POLR2F: variants seen among roughly 807,000 people sequenced by gnomAD.
The protein encoded by POLR2F is DNA-directed RNA polymerases I, II, and III subunit RPABC2.
POLR2F carries 12 observed loss-of-function variants against 22.7 expected under a neutral mutation model. That is an observed-to-expected ratio of 0.53 (90% CI 0.34 to 0.86). The LOEUF (loss-of-function observed/expected upper bound fraction) is 0.86, where lower values mean the gene tolerates loss of function less well. POLR2F is among the 40% of genes least tolerant of loss of function. The pLI is 0.02. For synonymous variants in POLR2F, 57 were observed against 66.0 expected (o/e 0.86, Z 0.66); for missense variants, 126 against 171.5 (o/e 0.73, Z 1.48).
intron 5 of POLR2F, chr22:38,040,662 A>G: frequency 4.3e-6 from 1 of 233,334 alleles, no homozygotes; most frequent in East Asian, 1.0e-4. Flanking sequence ...GATGTTCAGT[A>G]AATGCTTTGA....
At chr22:37,987,474 C>T (rs1038800613) in intron 1 of POLR2F, 13 of 313,916 alleles carry the variant, frequency 4.1e-5, no homozygotes, top group Non-Finnish European at 4.8e-5. Context: ...TGGAAGGCTC[C>T]GCCTGTGTTC....
chr22:38,003,338 CGCCTCA>C (rs1453064676), intron 1 of POLR2F, among the ~76,000 whole-genome samples: 2 of 151,804 alleles, frequency 1.3e-5, no homozygotes, highest in African/African-American at 4.8e-5. Context: ...GCGATTCTCC[CGCCTCA>C]GCCTCCTGAG....
rs556229608 is a variant in POLR2F at position 38,017,326 on chromosome 22, G to T, written c.121-8543G>T. ...ACACTAGGACAGAAAACCCTGAACTGCCCCCAGAGTGATCATGCTCAATGT... is the reference window on the plus strand; with the variant it reads ...ACACTAGGACAGAAAACCCTGAACTTCCCCCAGAGTGATCATGCTCAATGT... On this transcript the variant is annotated intron_variant, in intron 1 of 2. Transcript: ENST00000333418. This position sits in a 1 kb window ranked among gnomAD's most constrained non-coding sequence, Gnocchi z 4.1. Among the ~76,000 whole-genome samples the T allele has an allele frequency of 3.9e-5, 6 of 152,244 alleles. No homozygotes were observed. Among genetic ancestry groups the T allele is most frequent in the African/African-American group, 1.4e-4 (6 of 41,548 alleles).
downstream of POLR2F, among the ~76,000 whole-genome samples, chr22:38,030,276 T>C (rs1251363182): frequency 6.6e-6 from 1 of 151,198 alleles, no homozygotes; most frequent in Non-Finnish European, 1.5e-5. Flanking sequence ...GAGCCAGGAG[T>C]CGGGCCCTCT....
chr22:38,026,148 G>T lies in POLR2F; in HGVS notation c.399+1G>T, dbSNP rs137938318. The T allele has an allele frequency of 1.5e-3, 819 of 533,464 alleles. 9 individuals carry two copies. The highest frequency in any genetic ancestry group is 0.014 in the African/African-American group (755 of 52,098). 33.0% of individuals were successfully genotyped at this position (533,464 alleles called of 1,614,324 possible). A position where few individuals can be genotyped will look rare whatever the true frequency, so the allele number is the denominator to read the frequency against. On this transcript the variant is annotated splice_donor_variant, in intron 2 of 2. Transcript: ENST00000333418. LOFTEE classifies it high-confidence loss of function. ...CAGAAGGCTGGCCTTCAGATGCCTG[G>T]TAGGCGGGCACCAGGTTGGGGAGGA...
intron 3 of POLR2F, among the ~76,000 whole-genome samples, chr22:37,965,600 G>A (rs1931824159): frequency 6.6e-6 from 1 of 152,174 alleles, no homozygotes; most frequent in African/African-American, 2.4e-5. Context: ...TATATTTTGG[G>A]AAAGTTTAAA....
rs559462791 is a variant in POLR2F at position 37,967,048 on chromosome 22, C to T, written c.222-51C>T. 1.0e-5 allele frequency: 14 copies of T among 1,376,920 alleles called. No individual in the cohort carries two copies. The South Asian group carries it at 1.3e-4, about 12-fold the overall frequency. The allele number at this position is 1,376,920 out of a possible 1,614,324, so 85.3% of individuals were successfully genotyped here. A position where few individuals can be genotyped will look rare whatever the true frequency, so the allele number is the denominator to read the frequency against. ...CGTTCCACCCTCACTGCCTGTTGGG[C>T]CCTTCTCCCTGGGTTTGTAGTCTCC... On this transcript the variant is annotated intron_variant, in intron 3 of 4. Transcript: ENST00000442738.
chr22:37,976,295 A>G (rs1241396449), intron 4 of POLR2F, among the ~76,000 whole-genome samples: 9 of 152,228 alleles, frequency 5.9e-5, no homozygotes, highest in Admixed American at 2.0e-4. Flanking sequence ...TCATGGGCTC[A>G]GGTGATCCTC....
At position 38,040,467 on chromosome 22, in the gene POLR2F, C is replaced by T. The variant is rs540757373; in HGVS notation, c.453-601C>T. 99 of 153,758 alleles carry T rather than the reference C, an allele frequency of 6.4e-4. 1 individual carries two copies. The highest frequency in any genetic ancestry group is 7.4e-4 in the Non-Finnish European group (51 of 69,162). 9.5% of individuals were successfully genotyped at this position (153,758 alleles called of 1,614,324 possible). ...GGCTACAGAGGTCAGCAGGGAGCTCCTGAGGACCAAGGGTGGCCTGGGAAG... is the reference window on the plus strand; with the variant it reads ...GGCTACAGAGGTCAGCAGGGAGCTCTTGAGGACCAAGGGTGGCCTGGGAAG... On this transcript the variant is annotated intron_variant, in intron 5 of 5. Coordinates refer to the POLR2F transcript ENST00000407936.
In POLR2F at chr22:38,017,197, G is replaced by C. The variant is rs368974654; in HGVS notation, c.121-8672G>C. ...CTGGGTGCCTAAAGCCTGCAAAACT[G>C]GTGTGCTGGGGAAGAAAGGCTCCTC... On this transcript the variant is annotated intron_variant, in intron 1 of 2. Transcript: ENST00000333418. This position sits in a 1 kb window ranked among gnomAD's most constrained non-coding sequence, Gnocchi z 4.1. Among the ~76,000 whole-genome samples the C allele has an allele frequency of 1.6e-4, 24 of 152,328 alleles. No homozygotes were observed. In the South Asian group the frequency reaches 5.0e-3, roughly 32 times the overall value.
chr22:37,982,118 T>C (rs1932418142), upstream of POLR2F, among the ~76,000 whole-genome samples: 2 of 152,150 alleles, frequency 1.3e-5, no homozygotes, highest in Admixed American at 6.5e-5. Context: ...TCCTCACTCT[T>C]GTTCTCATCT....
At chr22:38,003,972 A>G (rs139898) in intron 1 of POLR2F, among the ~76,000 whole-genome samples, 89,508 of 151,828 alleles carry the variant, frequency 0.59, 26,644 homozygotes, top group East Asian at 0.75. Flanking sequence ...TGGAGGCCGG[A>G]GACCCACTAG....
intron 2 of POLR2F, among the ~76,000 whole-genome samples, chr22:37,958,033 C>A (rs1931470099): frequency 6.6e-6 from 1 of 152,034 alleles, no homozygotes; most frequent in Non-Finnish European, 1.5e-5. Flanking sequence ...TGGTGTCTTG[C>A]TACGTTGTCT....
chr22:38,000,410 A>G (rs960989336), intron 1 of POLR2F, among the ~76,000 whole-genome samples: 1 of 152,182 alleles, frequency 6.6e-6, no homozygotes, highest in Non-Finnish European at 1.5e-5. Flanking sequence ...CTTGGATGCT[A>G]GGGGCCAAGT....
Position 37,980,049 on chromosome 22 carries a change from C to T in POLR2F, c.293+12879C>T, listed in dbSNP as rs1299779157. ...GCGGCTTAGCCTCCCTGTCTACTCC[C>T]CCCACCCCGGCCCTGAGCCCAGCCC... is the stretch of plus-strand genomic sequence containing the variant. On this transcript the variant is annotated intron_variant, in intron 4 of 4. Transcript: ENST00000405557. This position sits in a 1 kb window ranked among gnomAD's most constrained non-coding sequence, Gnocchi z 4.1. Among the ~76,000 whole-genome samples, 1 of 152,188 alleles carries T rather than the reference C, an allele frequency of 6.6e-6. No homozygotes were observed. Among genetic ancestry groups the T allele is most frequent in the Non-Finnish European group, 1.5e-5 (1 of 68,028 alleles).
chr22:37,967,691 G>A lies in POLR2F; in HGVS notation c.360G>A (p.Val120=). The A allele has an allele frequency of 6.2e-7, 1 of 1,613,700 alleles. No homozygotes were observed. The highest frequency in any genetic ancestry group is 8.5e-7 in the Non-Finnish European group (1 of 1,179,842). Residue 120 remains valine (V), a synonymous_variant, in exon 5 of 5, where the codon GTG becomes GTA. Coordinates refer to ENST00000442738, the MANE Select transcript of POLR2F (RefSeq NM_021974.5). ...ATGGGAGCTATGAAGACTGGGGGGT[G>A]GACGAGCTCATCATCACCGACTGAG... ...LPDGSYEDWG[V]DELIITD
At chr22:38,023,235 A>C (rs1482162584) in intron 1 of POLR2F, among the ~76,000 whole-genome samples, 1 of 152,134 alleles carries the variant, frequency 6.6e-6, no homozygotes. Context: ...GCATTTGTTT[A>C]TCAGCACACG....
chr22:37,980,619 A>G lies in POLR2F; in HGVS notation c.293+13449A>G. On this transcript the variant is annotated intron_variant, in intron 4 of 4. Coordinates refer to the POLR2F transcript ENST00000405557. The surrounding 1 kb of genome is among the most constrained non-coding windows in gnomAD (Gnocchi z 4.1). Reference sequence around the variant, plus strand: ...TGCCCACCATGTAAACCCAATCTCCAGCACCAGTCCCCACTCAACATTACC... The same window carrying G: ...TGCCCACCATGTAAACCCAATCTCCGGCACCAGTCCCCACTCAACATTACC... Among the ~76,000 whole-genome samples, 1 of 151,950 alleles carries G rather than the reference A, an allele frequency of 6.6e-6. No individual in the cohort carries two copies. Among genetic ancestry groups the G allele is most frequent in the East Asian group, 1.9e-4 (1 of 5,188 alleles).
At chr22:38,020,206 TAC>T (rs112285508) in intron 1 of POLR2F, among the ~76,000 whole-genome samples, 2,659 of 144,700 alleles carry the variant, frequency 0.018, 52 homozygotes, top group African/African-American at 0.048. Flanking sequence ...CACACATATA[TAC>T]ACACACACAC....
Sources: allele counts gnomAD v4.1 joint callset (sites outside exome capture counted in the v4.1 genomes callset), GRCh38; gene constraint gnomAD v4.1.1; non-coding constraint Gnocchi (gnomAD v3.1); transcripts MANE v1.5; gene names NCBI Gene and HGNC (gene_info 2026-07-23, HGNC 2026-07-21).